Variants in HS3ST3A1 observed in about 807,000 individuals in gnomAD.
HS3ST3A1 encodes heparan sulfate glucosamine 3-O-sulfotransferase 3A1.
Under a neutral mutation model 25.7 loss-of-function variants are expected in HS3ST3A1, and 19 were observed. That is an observed-to-expected ratio of 0.74 (90% CI 0.52 to 1.08). The LOEUF (loss-of-function observed/expected upper bound fraction) is 1.08. HS3ST3A1 is among the 50% of genes least tolerant of loss of function. HS3ST3A1 has a pLI of 0.00. For missense variants in HS3ST3A1, 459 were observed against 594.3 expected (o/e 0.77, Z 2.37); for synonymous variants, 226 against 278.6 (o/e 0.81, Z 1.88).
chr17:13,563,552 T>TG (rs1047676490), intron 1 of HS3ST3A1, among the ~76,000 whole-genome samples: 22 of 152,252 alleles, frequency 1.4e-4, no homozygotes, highest in African/African-American at 4.6e-4. Flanking sequence ...GACCCCAGTG[T>TG]GGGGGGCAGA....
At chr17:13,571,647 T>C (rs941272148) in intron 1 of HS3ST3A1, among the ~76,000 whole-genome samples, 7 of 152,242 alleles carry the variant, frequency 4.6e-5, no homozygotes, top group African/African-American at 1.4e-4. Flanking sequence ...ACATATATGA[T>C]AAAAACAAGT....
At chr17:13,539,825 G>A (rs187777800) in intron 1 of HS3ST3A1, among the ~76,000 whole-genome samples, 2 of 152,204 alleles carry the variant, frequency 1.3e-5, no homozygotes, top group African/African-American at 4.8e-5. Flanking sequence ...AGTCTGAAGG[G>A]TCCTCAGAAA....
intron 1 of HS3ST3A1, among the ~76,000 whole-genome samples, chr17:13,572,375 G>A (rs139640604): frequency 1.3e-5 from 2 of 152,228 alleles, no homozygotes; most frequent in East Asian, 3.9e-4. Context: ...TCCATCCTAG[G>A]GGGTGACCGC....
At chr17:13,565,845 C>T (rs576145306) in intron 1 of HS3ST3A1, among the ~76,000 whole-genome samples, 13 of 152,194 alleles carry the variant, frequency 8.5e-5, no homozygotes, top group African/African-American at 2.9e-4. Flanking sequence ...AAGTTCTCCA[C>T]GTTCTGTCCT....
At chr17:13,570,437 T>C (rs1164587744) in intron 1 of HS3ST3A1, among the ~76,000 whole-genome samples, 1 of 152,200 alleles carries the variant, frequency 6.6e-6, no homozygotes, top group African/African-American at 2.4e-5. Context: ...AGATAATCAC[T>C]CATCCATAAT....
At chr17:13,497,300 A>T (rs1212489186) in intron 1 of HS3ST3A1, among the ~76,000 whole-genome samples, 3 of 152,242 alleles carry the variant, frequency 2.0e-5, no homozygotes, top group Admixed American at 1.3e-4. Flanking sequence ...ATTACACAAA[A>T]TACTTATGTT....
chr17:13,592,690 T>G (rs565784008), intron 1 of HS3ST3A1, among the ~76,000 whole-genome samples: 2 of 152,368 alleles, frequency 1.3e-5, no homozygotes, highest in South Asian at 4.1e-4. Context: ...GGTGTTGTTT[T>G]GTTTTGCTTA....
At chr17:13,587,080 T>C (rs1341602879) in intron 1 of HS3ST3A1, among the ~76,000 whole-genome samples, 1 of 151,848 alleles carries the variant, frequency 6.6e-6, no homozygotes, top group Non-Finnish European at 1.5e-5. Context: ...AAAGTTGAAA[T>C]TACATATAAG....
chr17:13,504,685 A>G (rs1329828694), intron 1 of HS3ST3A1, among the ~76,000 whole-genome samples: 1 of 152,256 alleles, frequency 6.6e-6, no homozygotes, highest in Non-Finnish European at 1.5e-5. Context: ...CCAATATCCC[A>G]TAATGCTCCA....
chr17:13,600,884 C>A lies in HS3ST3A1; in HGVS notation c.246G>T (p.Pro82=). ...GGAGGCGCTTTCTCTGTGCCGCCGC[C>A]GGCCACACCGCCAGCTCCCTCGGGC... ...AGGPRELAVW[P]AAAQRKRLLQ... Residue 82 remains proline, a synonymous_variant, in exon 1 of 2, where the codon CCG becomes CCT. Transcript: ENST00000284110. The A allele has an allele frequency of 6.8e-7, 1 of 1,475,920 alleles. No individual in the cohort carries two copies. 91.4% of individuals were successfully genotyped at this position (1,475,920 alleles called of 1,614,324 possible).
intron 1 of HS3ST3A1, among the ~76,000 whole-genome samples, chr17:13,562,112 G>A (rs1907565422): frequency 1.3e-5 from 2 of 152,164 alleles, no homozygotes; most frequent in South Asian, 2.1e-4. Flanking sequence ...AATAAATAAC[G>A]GATATACCTC....
chr17:13,582,949 C>T (rs1421078242), intron 1 of HS3ST3A1, among the ~76,000 whole-genome samples: 3 of 152,108 alleles, frequency 2.0e-5, no homozygotes, highest in African/African-American at 4.8e-5. Flanking sequence ...AGTTTAAATT[C>T]CTGTGAAGAT....
chr17:13,533,492 T>C (rs1906674510), intron 1 of HS3ST3A1, among the ~76,000 whole-genome samples: 1 of 97,338 alleles, frequency 1.0e-5, no homozygotes. Flanking sequence ...ATAATGAAAA[T>C]ATACAAAGAA....
intron 1 of HS3ST3A1, among the ~76,000 whole-genome samples, chr17:13,544,762 T>C (rs1254476284): frequency 2.3e-5 from 2 of 85,672 alleles, no homozygotes; most frequent in Non-Finnish European, 4.5e-5. Context: ...TCTGCAAAGC[T>C]GAACCCTCCA....
intron 1 of HS3ST3A1, among the ~76,000 whole-genome samples, chr17:13,574,630 A>C (rs1243769649): frequency 1.3e-5 from 2 of 151,904 alleles, no homozygotes; most frequent in African/African-American, 4.8e-5. Flanking sequence ...AGGCAGGAGA[A>C]TGGCATGAAC....
At chr17:13,527,527 G>A (rs1392832385) in intron 1 of HS3ST3A1, among the ~76,000 whole-genome samples, 1 of 152,118 alleles carries the variant, frequency 6.6e-6, no homozygotes, top group East Asian at 1.9e-4. Flanking sequence ...CCCAGGAGCG[G>A]AGTGGACCCT....
chr17:13,591,720 G>T (rs1025760049), intron 1 of HS3ST3A1, among the ~76,000 whole-genome samples: 2 of 149,012 alleles, frequency 1.3e-5, no homozygotes, highest in Non-Finnish European at 3.0e-5. Context: ...GTGCAGTGGC[G>T]CAATCTCAGC....
intron 1 of HS3ST3A1, among the ~76,000 whole-genome samples, chr17:13,561,435 A>G (rs1366484565): frequency 1.3e-5 from 2 of 148,922 alleles, no homozygotes; most frequent in East Asian, 3.9e-4. Flanking sequence ...CGCCCAGGCT[A>G]GAGTACAGTG....
At chr17:13,568,652 T>C (rs1907731603) in intron 1 of HS3ST3A1, among the ~76,000 whole-genome samples, 1 of 152,242 alleles carries the variant, frequency 6.6e-6, no homozygotes, top group Admixed American at 6.5e-5. Context: ...TTGGGGTTTG[T>C]TGGTTCTACT....
Sources: gnomAD v4.1 joint callset for allele counts (sites outside exome capture counted in the v4.1 genomes callset) on GRCh38, gnomAD v4.1.1 for gene constraint, MANE v1.5 for transcripts, NCBI Gene and HGNC (gene_info 2026-07-23, HGNC 2026-07-21) for gene names.